PPARGC1A: variants seen among roughly 807,000 people sequenced by gnomAD.
PPARGC1A encodes peroxisome proliferator-activated receptor gamma coactivator 1-alpha.
PPARGC1A carries 25 observed loss-of-function variants against 88.7 expected under a neutral mutation model. The ratio of observed to expected loss-of-function variants is 0.28; its 90% CI spans 0.21 to 0.39. PPARGC1A has a LOEUF of 0.39. Ranked by LOEUF, PPARGC1A falls within the 10% of genes least tolerant of loss-of-function variation. The pLI is 1.00. For missense variants in PPARGC1A, 880 were observed against 968.7 expected, an observed-to-expected ratio of 0.91 and a Z score of 1.22; for synonymous variants, 363 against 355.6, an observed-to-expected ratio of 1.02 and a Z score of -0.24.
At chr4:24,043,439 T>C in the PPARGC1A span, among the ~76,000 whole-genome samples, 2 of 152,096 alleles carry the variant, frequency 1.3e-5, no homozygotes, top group Non-Finnish European at 2.9e-5. Context: ...GTAACTTCAT[T>C]TTTTCTACTC....
intron 2 of PPARGC1A, among the ~76,000 whole-genome samples, chr4:23,869,922 C>A (rs538606018): frequency 2.6e-5 from 4 of 152,076 alleles, no homozygotes; most frequent in Non-Finnish European, 5.9e-5. Context: ...AGCCAAAAAG[C>A]TTTACTATTG....
At chr4:24,248,242 A>T in the PPARGC1A span, among the ~76,000 whole-genome samples, 1 of 152,172 alleles carries the variant, frequency 6.6e-6, no homozygotes, top group Admixed American at 6.5e-5. Context: ...CTCCTGCCTC[A>T]GCCTCCGAAG....
chr4:24,124,514 C>A, the PPARGC1A span, among the ~76,000 whole-genome samples: 4 of 152,286 alleles, frequency 2.6e-5, no homozygotes, highest in South Asian at 8.3e-4. Flanking sequence ...GCATGACCTG[C>A]AATCTGGGTG....
At chr4:23,859,674 G>A (rs1264540867) in intron 2 of PPARGC1A, among the ~76,000 whole-genome samples, 2 of 151,648 alleles carry the variant, frequency 1.3e-5, no homozygotes, top group African/African-American at 4.8e-5. Flanking sequence ...CCAGCTACTC[G>A]GGAGGCTGAG....
At position 23,824,335 on chromosome 4, in the gene PPARGC1A, T is replaced by A. The variant is rs1455961376; in HGVS notation, c.822A>T (p.Pro274=). ...PESPNDPKGS[P]FENKTIERTL... is the part of the protein sequence containing the mutation. ...TGCGTTCAATAGTCTTGTTCTCAAA[T>A]GGGGAACCCTTGGGGTCACTGGAAG... Residue 274 remains proline (P), a synonymous_variant, in exon 7 of 13, where the codon CCA becomes CCT. Transcript: ENST00000264867. 1.4e-5 allele frequency: 22 copies of A among 1,613,386 alleles called. No homozygotes were observed. The highest frequency in any genetic ancestry group is 1.8e-5 in the Non-Finnish European group (21 of 1,179,652).
the PPARGC1A span, among the ~76,000 whole-genome samples, chr4:24,448,662 CACCTGGCCTCTGCCTGGAACACT>C: frequency 6.6e-6 from 1 of 152,230 alleles, no homozygotes; most frequent in East Asian, 1.9e-4. Context: ...AGTTGCTTCC[CACCTGGCCTCTGCCTGGAACACT>C]ACCCAGAAGA....
chr4:24,020,678 G>T, the PPARGC1A span, among the ~76,000 whole-genome samples: 1 of 152,024 alleles, frequency 6.6e-6, no homozygotes, highest in African/African-American at 2.4e-5. Flanking sequence ...GTGGGGAGTG[G>T]GTGTTGAAGG....
In PPARGC1A at chr4:23,814,477, A is replaced by T. The variant is rs753331587; in HGVS notation, c.1006T>A (p.Ser336Thr). The T allele has an allele frequency of 4.9e-5, 79 of 1,612,678 alleles. No individual in the cohort carries two copies. Among genetic ancestry groups the T allele is most frequent in the Non-Finnish European group, 6.4e-5 (76 of 1,179,630 alleles). ...GAGTTATTGCCTTGTGTACCAGAAG[A>T]CTCACTGTACCTGGGCTTCTTTGAT... ...PPSKKPRYSESSGTQGNNSTK... is the reference protein window; with the variant it reads ...PPSKKPRYSETSGTQGNNSTK... Residue 336 changes from serine (S) to threonine (T), a missense_variant, in exon 8 of 13, where the codon TCT becomes ACT. Physicochemically the swap from Ser to Thr is moderately conservative, Grantham distance 58. Coordinates refer to ENST00000264867, the MANE Select transcript of PPARGC1A (RefSeq NM_013261.5).
At chr4:24,460,003 G>A in the PPARGC1A span, among the ~76,000 whole-genome samples, 2 of 152,126 alleles carry the variant, frequency 1.3e-5, no homozygotes, top group Non-Finnish European at 2.9e-5. Context: ...CATATCATAG[G>A]ACATTCTCTA....
At chr4:23,802,928 A>T (rs2109355311) in intron 10 of PPARGC1A, among the ~76,000 whole-genome samples, 1 of 152,204 alleles carries the variant, frequency 6.6e-6, no homozygotes, top group African/African-American at 2.4e-5. Context: ...TCTCAGATGA[A>T]CTTGATGTGT....
At chr4:24,202,048 T>C in the PPARGC1A span, among the ~76,000 whole-genome samples, 1 of 152,022 alleles carries the variant, frequency 6.6e-6, no homozygotes, top group Non-Finnish European at 1.5e-5. Flanking sequence ...ACTACAGGTG[T>C]GCACCACCAC....
At chr4:24,138,418 T>A in the PPARGC1A span, among the ~76,000 whole-genome samples, 1 of 152,190 alleles carries the variant, frequency 6.6e-6, no homozygotes, top group African/African-American at 2.4e-5. Context: ...CTGCCTTAGA[T>A]ACACCAGGGT....
chr4:24,207,293 A>G, the PPARGC1A span, among the ~76,000 whole-genome samples: 1 of 152,208 alleles, frequency 6.6e-6, no homozygotes, highest in South Asian at 2.1e-4. Context: ...TTTAAATGAC[A>G]GAAACCGCAT....
chr4:24,089,668 G>A, the PPARGC1A span, among the ~76,000 whole-genome samples: 1 of 151,916 alleles, frequency 6.6e-6, no homozygotes, highest in Non-Finnish European at 1.5e-5. Flanking sequence ...CCGCCGCCAC[G>A]CCCGGCTAAT....
the PPARGC1A span, among the ~76,000 whole-genome samples, chr4:23,943,337 G>A: frequency 6.7e-6 from 1 of 149,874 alleles, no homozygotes; most frequent in Non-Finnish European, 1.5e-5. Flanking sequence ...GTGCAAATAG[G>A]TTTTGCCTTT....
the PPARGC1A span, among the ~76,000 whole-genome samples, chr4:23,910,361 ATATATTATAT>A: frequency 2.1e-4 from 22 of 102,660 alleles, no homozygotes; most frequent in Non-Finnish European, 3.4e-4. Flanking sequence ...TATATATTAT[ATATATTATAT>A]TATATTATAT....
the PPARGC1A span, among the ~76,000 whole-genome samples, chr4:24,034,427 A>T: frequency 1.3e-5 from 2 of 152,216 alleles, no homozygotes; most frequent in East Asian, 3.8e-4. Context: ...ACACCAACTG[A>T]TGATAATAAG....
At chr4:23,979,886 G>A in the PPARGC1A span, among the ~76,000 whole-genome samples, 4 of 152,092 alleles carry the variant, frequency 2.6e-5, no homozygotes, top group Non-Finnish European at 4.4e-5. Context: ...TCTGCTCAAC[G>A]CACCTGATCT....
chr4:24,101,090 G>A, the PPARGC1A span, among the ~76,000 whole-genome samples: 1,034 of 152,222 alleles, frequency 6.8e-3, 12 homozygotes, highest in African/African-American at 0.024. Flanking sequence ...ATCTCATATC[G>A]AATTGTAATC....
Sources: gnomAD v4.1 joint callset for allele counts (sites outside exome capture counted in the v4.1 genomes callset) on GRCh38, gnomAD v4.1.1 for gene constraint, MANE v1.5 for transcripts, NCBI Gene and HGNC (gene_info 2026-07-23, HGNC 2026-07-21) for gene names.